Variants in TULP2 observed in about 807,000 individuals in gnomAD.
TULP2 encodes the protein TUB like protein 2.
TULP2 carries 64 observed loss-of-function variants against 60.3 expected under a neutral mutation model. The observed-to-expected ratio is 1.06, with a 90% CI of 0.87 to 1.31. TULP2 has a LOEUF of 1.31. Among genes scored for constraint, TULP2 ranks in the 50% most tolerant of loss-of-function variants. The pLI, the probability that TULP2 is intolerant of heterozygous loss-of-function variation, is 0.00. For synonymous variants in TULP2, 267 were observed against 265.4 expected (o/e 1.01, Z -0.06); for missense variants, 652 against 667.0 (o/e 0.98, Z 0.25).
At chr19:48,889,465 T>C (rs768871319) in intron 7 of TULP2, 45 bp downstream of exon 7, 2 of 1,554,574 alleles carry the variant, frequency 1.3e-6, no homozygotes, top group Admixed American at 3.4e-5. Flanking sequence ...GGTCCGAGGC[T>C]AGCCCTCTTC....
chr19:48,890,002 A>G (rs2122130381), intron 6 of TULP2, among the ~76,000 whole-genome samples: 1 of 152,304 alleles, frequency 6.6e-6, no homozygotes, highest in African/African-American at 2.4e-5. Flanking sequence ...ATAGTCTGAA[A>G]TATGGCCTCG....
At chr19:48,898,356 C>G (rs978315625) in intron 1 of TULP2, 4 of 149,132 alleles carry the variant, frequency 2.7e-5, no homozygotes, top group South Asian at 2.1e-4. Flanking sequence ...CTGTTTCCAG[C>G]TTCCCACGGG....
chr19:48,882,765 C>G (rs2037146133), intron 11 of TULP2, among the ~76,000 whole-genome samples: 1 of 152,162 alleles, frequency 6.6e-6, no homozygotes, highest in Admixed American at 6.6e-5. Context: ...GGAAGAGGAA[C>G]AGGCTATGAC....
In TULP2 at chr19:48,897,834, C is replaced by T; in HGVS notation, c.32+3G>A. 1 of 1,613,868 alleles carries T rather than the reference C, an allele frequency of 6.2e-7. No homozygotes were observed. The highest frequency in any genetic ancestry group is 8.5e-7 in the Non-Finnish European group (1 of 1,179,914). On this transcript the variant is annotated splice_donor_region_variant and intron_variant, in intron 2 of 12. Coordinates refer to ENST00000221399, the MANE Select transcript of TULP2 (RefSeq NM_003323.3). The surrounding 1 kb of genome is among the most constrained non-coding windows in gnomAD (Gnocchi z 4.0). ...ACCCCTACCCATCTGTTTCCCTACT[C>T]ACTCTCTCATCAATGTGTCATTATC...
chr19:48,888,182 G>A lies in TULP2; in HGVS notation c.716C>T (p.Ser239Phe), dbSNP rs377039802. 19 of 1,614,064 alleles carry A rather than the reference G, an allele frequency of 1.2e-5. No homozygotes were observed. The highest frequency in any genetic ancestry group is 5.3e-5 in the African/African-American group (4 of 74,928). Reference protein sequence around the residue: ...NSSAAHNEELSKALKGEGGTD... With the variant: ...NSSAAHNEELFKALKGEGGTD... The stretch of plus-strand genomic sequence containing the variant: ...GCCACCCTCGCCTTTCAGGGCCTTG[G>A]ACAACTCTTCGTTGTGTGCTGCTGA... Residue 239 changes from serine to phenylalanine, a missense_variant, in exon 8 of 13, where the codon TCC becomes TTC. Ser to Phe is a radical substitution (Grantham distance 155). Transcript: ENST00000221399.
chr19:48,894,852 C>T, intron 6 of TULP2, 146 bp downstream of exon 6: 8 of 1,143,102 alleles, frequency 7.0e-6, no homozygotes, highest in Non-Finnish European at 9.7e-6. Flanking sequence ...CGACCGTGTA[C>T]TGGAAACCAT....
intron 12 of TULP2, among the ~76,000 whole-genome samples, chr19:48,881,676 C>T (rs1209341138): frequency 6.6e-6 from 1 of 151,950 alleles, no homozygotes; most frequent in Non-Finnish European, 1.5e-5. Flanking sequence ...GCCACAGTGC[C>T]CGGCCTAATT....
In TULP2 at chr19:48,897,500, G is replaced by T; in HGVS notation, c.33-104C>A. The T allele has an allele frequency of 2.4e-6, 3 of 1,233,734 alleles. No individual in the cohort carries two copies. Among genetic ancestry groups the T allele is most frequent in the Non-Finnish European group, 3.5e-6 (3 of 858,094 alleles). 76.4% of individuals were successfully genotyped at this position (1,233,734 alleles called of 1,614,324 possible). On this transcript the variant is annotated intron_variant, in intron 2 of 12. Coordinates refer to ENST00000221399, the MANE Select transcript of TULP2 (RefSeq NM_003323.3). This position sits in a 1 kb window ranked among gnomAD's most constrained non-coding sequence, Gnocchi z 4.0. The stretch of plus-strand genomic sequence containing the variant: ...GCCCCTATCTCAGCTTGGGTTCTGG[G>T]CACCTGTGAGGTCACAGGAGGTGCA...
chr19:48,893,387 A>AT, intron 6 of TULP2, among the ~76,000 whole-genome samples: 1 of 150,210 alleles, frequency 6.7e-6, no homozygotes, highest in Non-Finnish European at 1.5e-5. Flanking sequence ...AAAAAAAAAA[A>AT]GGAATTGAAG....
In TULP2 at chr19:48,888,033, A is replaced by C; in HGVS notation, c.865T>G (p.Tyr289Asp). Residue 289 changes from tyrosine (Y) to aspartate (D), a missense_variant, in exon 8 of 13, where the codon TAC (tyrosine) becomes GAC (aspartate). By Grantham distance (160) the Tyr-to-Asp change is radical. Transcript: ENST00000221399. The stretch of plus-strand genomic sequence containing the variant: ...ACGCCGTGCTTGTCACGGGTGAGGT[A>C]GCACTGCATCATGGTGCCCGGGAGC... The part of the protein sequence containing the change: ...PALPGTMMQC[Y>D]LTRDKHGVDK... 1 of 1,614,220 alleles carries C rather than the reference A, an allele frequency of 6.2e-7. No individual in the cohort carries two copies. Among genetic ancestry groups the C allele is most frequent in the Non-Finnish European group, 8.5e-7 (1 of 1,180,036 alleles).
Position 48,897,977 on chromosome 19 carries a change from T to TTATA in TULP2, c.-1-109_-1-108insTATA, listed in dbSNP as rs1178548675. The TTATA allele has an allele frequency of 8.1e-6, 7 of 867,266 alleles. No homozygotes were observed. Among genetic ancestry groups the TTATA allele is most frequent in the African/African-American group, 3.9e-5 (2 of 51,364 alleles). 53.7% of individuals were successfully genotyped at this position (867,266 alleles called of 1,614,324 possible). ...TTTATTTATTTATTTATTTATTTAT[T>TTATA]TATGTATTTAGAGACAGCTGAGCCT... On this transcript the variant is annotated intron_variant, in intron 1 of 12. Transcript: ENST00000221399. The surrounding 1 kb of genome is among the most constrained non-coding windows in gnomAD (Gnocchi z 4.0).
At chr19:48,895,922 CCTT>C in intron 4 of TULP2, among the ~76,000 whole-genome samples, 1 of 152,270 alleles carries the variant, frequency 6.6e-6, no homozygotes, top group South Asian at 2.1e-4. Context: ...ACCGCCCAAA[CCTT>C]GAGACCCAGG....
At position 48,881,043 on chromosome 19, in the gene TULP2, C is replaced by G. The variant is rs200231265; in HGVS notation, c.1531G>C (p.Ala511Pro). The change falls in exon 13 of 13, where the codon GCC (alanine) becomes CCC (proline). Residue 511 changes from alanine (A) to proline (P), a missense_variant. Ala to Pro is a conservative substitution (Grantham distance 27). Coordinates refer to ENST00000221399, the MANE Select transcript of TULP2 (RefSeq NM_003323.3). ...DFCFPFSPLQ[A>P]FSICLSSFN The stretch of plus-strand genomic sequence containing the variant: ...AAACTGGACAAGCAGATGCTGAAGG[C>G]CTGGAGCGGGCTAAATGGAAAGCAG... 6.2e-7 allele frequency: 1 copy of G among 1,613,846 alleles called. No homozygotes were observed. The highest frequency in any genetic ancestry group is 2.2e-5 in the East Asian group (1 of 44,864).
Position 48,897,948 on chromosome 19 carries a change from CTTAT to C in TULP2, c.-1-83_-1-80del, listed in dbSNP as rs60572211. 0.16 allele frequency: 101,402 copies of C among 637,556 alleles called. 10,201 individuals carry two copies. The highest frequency in any genetic ancestry group is 0.3 in the African/African-American group (15,671 of 51,768). The allele number at this position is 637,556 out of a possible 1,614,324, so 39.5% of individuals were successfully genotyped here. A position where few individuals can be genotyped will look rare whatever the true frequency, so the allele number is the denominator to read the frequency against. ...TGCCCACCAGCACCTAATCTTTAGC[CTTAT>C]TTATTTATTTATTTATTTATTTATT... On this transcript the variant is annotated intron_variant, in intron 1 of 12. Coordinates refer to ENST00000221399, the MANE Select transcript of TULP2 (RefSeq NM_003323.3). This position sits in a 1 kb window ranked among gnomAD's most constrained non-coding sequence, Gnocchi z 4.0.
Position 48,897,234 on chromosome 19 carries a change from G to A in TULP2, c.84+111C>T. The A allele has an allele frequency of 1.7e-6, 2 of 1,208,904 alleles. No homozygotes were observed. The highest frequency in any genetic ancestry group is 1.3e-5 in the South Asian group (1 of 77,358). 74.9% of individuals were successfully genotyped at this position (1,208,904 alleles called of 1,614,324 possible). On this transcript the variant is annotated intron_variant, in intron 3 of 12. Transcript: ENST00000221399. The surrounding 1 kb of genome is among the most constrained non-coding windows in gnomAD (Gnocchi z 4.0). ...TTTCTCAGTGGGAAAACTCAAGGATGAGAGACAGCCAACACGGGCTGGGAG... is the reference window on the plus strand; with the variant it reads ...TTTCTCAGTGGGAAAACTCAAGGATAAGAGACAGCCAACACGGGCTGGGAG...
Position 48,883,751 on chromosome 19 carries a change from C to CA in TULP2, c.1275+2dup. 3 of 1,614,008 alleles carry CA rather than the reference C, an allele frequency of 1.9e-6. No homozygotes were observed. The highest frequency in any genetic ancestry group is 2.2e-5 in the South Asian group (2 of 91,040). ...CCAGAGATTCCTGATGTCAGGGACT[C>CA]ACATTTAGTGGCTGGACATTGATTC... is the stretch of plus-strand genomic sequence containing the variant. On this transcript the variant is annotated splice_region_variant and intron_variant, in intron 11 of 12. Coordinates refer to ENST00000221399, the MANE Select transcript of TULP2 (RefSeq NM_003323.3).
intron 6 of TULP2, among the ~76,000 whole-genome samples, chr19:48,894,508 A>T (rs62128048): frequency 2.0e-5 from 3 of 151,386 alleles, no homozygotes; most frequent in African/African-American, 7.3e-5. Flanking sequence ...GGGCGTGGTG[A>T]TGCGCACCTG....
intron 6 of TULP2, among the ~76,000 whole-genome samples, chr19:48,891,746 C>T (rs7253325): frequency 1 from 152,098 of 152,264 alleles, 75,971 homozygotes; most frequent in Middle Eastern, 1. Flanking sequence ...AGTGAGGACC[C>T]GCACCAGCGC....
intron 7 of TULP2, among the ~76,000 whole-genome samples, chr19:48,889,027 C>T (rs1232741847): frequency 6.7e-6 from 1 of 149,878 alleles, no homozygotes; most frequent in East Asian, 2.0e-4. Context: ...CTCTGTCTCC[C>T]GGGCTGGAGT....
Sources: gnomAD v4.1 joint callset for allele counts (sites outside exome capture counted in the v4.1 genomes callset) on GRCh38, gnomAD v4.1.1 for gene constraint, Gnocchi (gnomAD v3.1) non-coding constraint, MANE v1.5 for transcripts, NCBI Gene and HGNC (gene_info 2026-07-23, HGNC 2026-07-21) for gene names.